Variants in IDO2 observed in about 807,000 individuals in gnomAD.
The protein encoded by IDO2 is indoleamine 2,3-dioxygenase 2.
In IDO2, 46 loss-of-function variants were observed where a neutral mutation model predicts 45.1. The observed-to-expected ratio is 1.02, with a 90% CI of 0.80 to 1.30. IDO2 has a LOEUF of 1.30. IDO2 is among the 50% of genes most tolerant of loss of function. The pLI is 0.00. For missense variants in IDO2, 544 were observed against 491.8 expected, an observed-to-expected ratio of 1.11 and a Z score of -1.00; for synonymous variants, 218 against 184.9, an observed-to-expected ratio of 1.18 and a Z score of -1.45.
chr8:39,939,135 C>A (rs1354973908), intron 1 of IDO2, among the ~76,000 whole-genome samples: 3 of 150,716 alleles, frequency 2.0e-5, no homozygotes, highest in Non-Finnish European at 4.4e-5. Flanking sequence ...GCCTGCTACT[C>A]GGGAGTCTGA....
At chr8:39,937,980 T>C (rs1807584203) in intron 1 of IDO2, among the ~76,000 whole-genome samples, 1 of 152,240 alleles carries the variant, frequency 6.6e-6, no homozygotes, top group African/African-American at 2.4e-5. Flanking sequence ...TGTTTTATAA[T>C]AACAAAATGT....
exon 8 of IDO2, chr8:39,989,787 C>G: frequency 6.2e-7 from 1 of 1,605,232 alleles, no homozygotes; most frequent in Non-Finnish European, 8.5e-7. Context: ...AGCCCTGCAG[C>G]GACTGAGACT....
At chr8:39,982,696 G>A (rs771490933) in exon 5 of IDO2, 1 of 1,611,956 alleles carries the variant, frequency 6.2e-7, no homozygotes, top group Admixed American at 1.7e-5. Flanking sequence ...AAGTCTCCAG[G>A]AACTTGGGGC....
chr8:39,987,920 T>A, exon 7 of IDO2: 1 of 1,612,052 alleles, frequency 6.2e-7, no homozygotes, highest in Non-Finnish European at 8.5e-7. Flanking sequence ...CCTGCATGGT[T>A]TTATACTGGT....
At chr8:40,010,015 T>A (rs1802287941) in intron 9 of IDO2, among the ~76,000 whole-genome samples, 1 of 146,882 alleles carries the variant, frequency 6.8e-6, no homozygotes, top group South Asian at 2.2e-4. Flanking sequence ...TTGGCCCCTC[T>A]GGAGCTTACA....
intron 10 of IDO2, 52 bp downstream of exon 10, chr8:40,013,765 G>T (rs1802344322): frequency 2.7e-6 from 3 of 1,105,812 alleles, no homozygotes; most frequent in African/African-American, 3.4e-5. Flanking sequence ...AAGAGGAGAG[G>T]TGTTTTTTTT....
In IDO2 at chr8:40,014,877, C is replaced by T. The variant is rs189947851; in HGVS notation, c.869-370C>T. ...TGAAAAAGCAGAGAAGATTGGGCAC[C>T]GTGGGTCATGCCTGTAATCCCAAAA... On this transcript the variant is annotated intron_variant, in intron 10 of 10. Coordinates refer to ENST00000502986, the Ensembl canonical transcript of IDO2. Among the ~76,000 whole-genome samples the T allele has an allele frequency of 4.6e-5, 7 of 152,174 alleles. No homozygotes were observed. In the East Asian group the frequency reaches 5.8e-4, roughly 13 times the overall value.
At chr8:40,016,303 A>G in exon 11 of IDO2, 1 of 397,960 alleles carries the variant, frequency 2.5e-6, no homozygotes, top group Non-Finnish European at 4.4e-6. Flanking sequence ...AAAATGAATG[A>G]ATGGATCCTA....
intron 5 of IDO2, among the ~76,000 whole-genome samples, chr8:39,983,514 G>T (rs985341410): frequency 6.6e-6 from 1 of 152,146 alleles, no homozygotes; most frequent in Non-Finnish European, 1.5e-5. Flanking sequence ...AGGCGATGAT[G>T]GGAATCTACT....
chr8:39,997,774 A>G lies in IDO2; in HGVS notation c.668-7553A>G, dbSNP rs372905254. The G allele has an allele frequency of 5.2e-4, 79 of 153,182 alleles. 1 individual carries two copies. In the South Asian group the frequency reaches 0.016, roughly 31 times the overall value. The allele number at this position is 153,182 out of a possible 1,614,324, so 9.5% of individuals were successfully genotyped here. ...AGCTACTTAATACACAAAGGGACACATTTTCACCAGTCGTTGTCTTCTGAT... is the reference window on the plus strand; with the variant it reads ...AGCTACTTAATACACAAAGGGACACGTTTTCACCAGTCGTTGTCTTCTGAT... On this transcript the variant is annotated intron_variant, in intron 8 of 10. Coordinates refer to ENST00000502986, the Ensembl canonical transcript of IDO2.
At chr8:39,995,811 A>G (rs1454027470) in intron 8 of IDO2, among the ~76,000 whole-genome samples, 3 of 116,348 alleles carry the variant, frequency 2.6e-5, no homozygotes, top group African/African-American at 8.5e-5. Context: ...GTGAGAAGTG[A>G]CCAGAAGAGT....
At chr8:40,015,276 A>G (rs1203482723) in exon 11 of IDO2, 1 of 1,611,460 alleles carries the variant, frequency 6.2e-7, no homozygotes, top group Non-Finnish European at 8.5e-7. Flanking sequence ...GAGGGATTAC[A>G]TGCCTCCTTC....
intron 9 of IDO2, among the ~76,000 whole-genome samples, chr8:40,005,891 TC>T (rs1359962558): frequency 1.3e-5 from 2 of 152,210 alleles, no homozygotes; most frequent in Admixed American, 6.5e-5. Flanking sequence ...TGATTATGTC[TC>T]CTCTGAGAGG....
chr8:39,999,158 T>A (rs916066440), intron 8 of IDO2, among the ~76,000 whole-genome samples: 5 of 152,172 alleles, frequency 3.3e-5, no homozygotes, highest in African/African-American at 1.2e-4. Flanking sequence ...CCATGGTTGC[T>A]ATTGAGATGT....
At chr8:40,007,778 G>A (rs1802244182) in intron 9 of IDO2, among the ~76,000 whole-genome samples, 1 of 152,076 alleles carries the variant, frequency 6.6e-6, no homozygotes, top group Admixed American at 6.6e-5. Flanking sequence ...TCTGTAAGTC[G>A]GAATCATAGG....
chr8:40,009,453 G>C (rs900479011), intron 9 of IDO2, among the ~76,000 whole-genome samples: 8 of 84,428 alleles, frequency 9.5e-5, no homozygotes, highest in African/African-American at 5.0e-4. Context: ...AAAAAAAAAT[G>C]ATCTCATTTT....
chr8:40,005,409 A>ATCAC lies in IDO2; in HGVS notation c.719+31_719+32insTCAC, dbSNP rs772214978. ...TATAGTTCAGTTGTTTTCCTGTGTG[A>ATCAC]AGTCTCTGTAGCATTGACTGAATGT... On this transcript the variant is annotated intron_variant, in intron 9 of 10. Transcript: ENST00000502986. The ATCAC allele has an allele frequency of 4.9e-6, 7 of 1,434,766 alleles. No homozygotes were observed. The Admixed American group carries it at 1.3e-4, about 26-fold the overall frequency. 88.9% of individuals were successfully genotyped at this position (1,434,766 alleles called of 1,614,324 possible).
rs571656576 is a variant in IDO2, at chr8:39,941,400, A to C, written c.-18+6182A>C. 2.0e-5 allele frequency among the ~76,000 whole-genome samples: 3 copies of C among 152,290 alleles called. No homozygotes were observed. The South Asian group carries it at 6.2e-4, about 32-fold the overall frequency. ...AAATACCAGTTGTTTCAGGAGCAGT[A>C]AATCATTTTTGAGGGCTTGAGCAAA... On this transcript the variant is annotated intron_variant, in intron 1 of 10. Coordinates refer to ENST00000502986, the Ensembl canonical transcript of IDO2.
chr8:39,968,902 A>C (rs1453658819), intron 3 of IDO2, among the ~76,000 whole-genome samples: 1 of 151,874 alleles, frequency 6.6e-6, no homozygotes, highest in Non-Finnish European at 1.5e-5. Flanking sequence ...AAAAAAAAAA[A>C]CAAACAACAA....
Sources: gnomAD v4.1 joint callset for allele counts (sites outside exome capture counted in the v4.1 genomes callset) on GRCh38, gnomAD v4.1.1 for gene constraint, MANE v1.5 for transcripts, NCBI Gene and HGNC (gene_info 2026-07-23, HGNC 2026-07-21) for gene names.